The following KCNG2 variants were observed in gnomAD, a reference collection of about 807,000 sequenced individuals.
The protein encoded by KCNG2 is potassium voltage-gated channel modifier subfamily G member 2, also known as voltage-gated potassium channel regulatory subunit KCNG2.
Under a neutral mutation model 12.3 loss-of-function variants are expected in KCNG2, and 7 were observed. The observed-to-expected ratio is 0.57, with a 90% CI of 0.32 to 1.07. KCNG2 has a LOEUF of 1.07. Among genes scored for constraint, KCNG2 ranks in the 50% least tolerant of loss-of-function variants. KCNG2 has a pLI of 0.04. For missense variants in KCNG2, 703 were observed against 726.0 expected, an observed-to-expected ratio of 0.97 and a Z score of 0.36; for synonymous variants, 414 against 351.4, an observed-to-expected ratio of 1.18 and a Z score of -1.99.
At chr18:79,879,711 A>G (rs970961389) in intron 3 of KCNG2, among the ~76,000 whole-genome samples, 5 of 152,230 alleles carry the variant, frequency 3.3e-5, no homozygotes, top group African/African-American at 4.8e-5. Context: ...GTTATGGTTC[A>G]GAATTGGCTC....
intron 1 of KCNG2, among the ~76,000 whole-genome samples, chr18:79,808,085 G>T (rs796339568): frequency 1.1e-3 from 93 of 81,288 alleles, no homozygotes; most frequent in African/African-American, 2.6e-3. Flanking sequence ...TGCCGGGGCC[G>T]CGCTGACCAC....
Position 79,882,761 on chromosome 18 carries a change from C to T in KCNG2, c.625-16279C>T, listed in dbSNP as rs557166707. 1.7e-3 allele frequency among the ~76,000 whole-genome samples: 246 copies of T among 146,578 alleles called. 1 individual carries two copies. Among genetic ancestry groups the T allele is most frequent in the African/African-American group, 5.7e-3 (232 of 40,882 alleles). On this transcript the variant is annotated intron_variant, in intron 3 of 3. Coordinates refer to ENST00000316249, the MANE Select transcript of KCNG2 (RefSeq NM_012283.2). ...ATGGAGTGGCGAGGCTGCCGTGGAG[C>T]GCGGAGGCCGGGTACACCTGCGCGT...
rs1468584056 is a variant in KCNG2 at position 79,894,253 on chromosome 18, G to A, written c.625-4787G>A. ...ATCTAATGGTTCAATTGATATAGCT[G>A]GGTCTGCGTCTCGTTCGATTAGGTT... On this transcript the variant is annotated intron_variant, in intron 3 of 3. Transcript: ENST00000316249. Among the ~76,000 whole-genome samples the A allele has an allele frequency of 2.0e-5, 3 of 151,814 alleles. No individual in the cohort carries two copies. In the East Asian group the frequency reaches 5.8e-4, roughly 29 times the overall value.
intron 3 of KCNG2, among the ~76,000 whole-genome samples, chr18:79,872,975 G>A (rs1184005342): frequency 3.3e-5 from 5 of 152,170 alleles, no homozygotes; most frequent in Non-Finnish European, 7.4e-5. Flanking sequence ...GGCGTGTGCT[G>A]TCCTCCTCTG....
Position 79,869,597 on chromosome 18 carries a change from C to T in KCNG2, c.624+5306C>T, listed in dbSNP as rs527414628. ...CTGCCTTCTCACGTGGGATCGTTCA[C>T]TCCATTGCTGGGCCTTTCCCAGGAG... On this transcript the variant is annotated intron_variant, in intron 3 of 3. Transcript: ENST00000316249. Among the ~76,000 whole-genome samples the T allele has an allele frequency of 2.6e-5, 4 of 152,316 alleles. No individual in the cohort carries two copies. In the East Asian group the frequency reaches 7.7e-4, roughly 29 times the overall value.
intron 1 of KCNG2, among the ~76,000 whole-genome samples, chr18:79,855,289 G>T (rs1169948597): frequency 6.6e-6 from 1 of 152,046 alleles, no homozygotes; most frequent in Admixed American, 6.5e-5. Context: ...GCTGACATTG[G>T]GCTGCAAACT....
intron 3 of KCNG2, among the ~76,000 whole-genome samples, chr18:79,891,009 C>G (rs918767237): frequency 4.6e-5 from 7 of 152,128 alleles, no homozygotes; most frequent in Non-Finnish European, 2.9e-5. Context: ...CAAGAACCAG[C>G]CTTTGGTTTC....
intron 1 of KCNG2, among the ~76,000 whole-genome samples, chr18:79,801,943 C>T (rs1170240277): frequency 1.3e-5 from 2 of 152,194 alleles, no homozygotes; most frequent in Non-Finnish European, 2.9e-5. Context: ...GCCAGGGACT[C>T]TGGGGACCCC....
chr18:79,866,205 C>G (rs1979531232), intron 3 of KCNG2, among the ~76,000 whole-genome samples: 1 of 137,724 alleles, frequency 7.3e-6, no homozygotes, highest in African/African-American at 2.8e-5. Flanking sequence ...AGTCTGCGTG[C>G]TGAGAAGTCT....
intron 1 of KCNG2, among the ~76,000 whole-genome samples, chr18:79,802,126 C>T (rs553143647): frequency 6.6e-6 from 1 of 152,338 alleles, no homozygotes; most frequent in South Asian, 2.1e-4. Context: ...ATACACTGTG[C>T]AGTTAGTTTT....
intron 1 of KCNG2, among the ~76,000 whole-genome samples, chr18:79,813,865 A>G (rs2087509762): frequency 1.3e-5 from 2 of 152,262 alleles, no homozygotes; most frequent in Non-Finnish European, 2.9e-5. Flanking sequence ...CTAAAGGACC[A>G]AAGTTTGGAA....
rs2087401995 is a variant in KCNG2 at position 79,800,651 on chromosome 18, G to A, written c.-115+2637G>A. Among the ~76,000 whole-genome samples the A allele has an allele frequency of 6.6e-6, 1 of 152,240 alleles. No individual in the cohort carries two copies. Among genetic ancestry groups the A allele is most frequent in the Non-Finnish European group, 1.5e-5 (1 of 68,046 alleles). Reference sequence around the variant, plus strand: ...CAGCACTGGCTCCTTCACAGCCGCGGCTTTCCGGCAGGAGCCTCAGCAGTT... The same window carrying A: ...CAGCACTGGCTCCTTCACAGCCGCGACTTTCCGGCAGGAGCCTCAGCAGTT... On this transcript the variant is annotated intron_variant, in intron 1 of 3. Coordinates refer to ENST00000316249, the MANE Select transcript of KCNG2 (RefSeq NM_012283.2). The surrounding 1 kb of genome is among the most constrained non-coding windows in gnomAD (Gnocchi z 4.0).
chr18:79,826,238 C>A (rs1978285744), intron 1 of KCNG2, among the ~76,000 whole-genome samples: 1 of 152,246 alleles, frequency 6.6e-6, no homozygotes, highest in African/African-American at 2.4e-5. Flanking sequence ...CAGACGGGGA[C>A]CGAGGGCCTG....
intron 3 of KCNG2, among the ~76,000 whole-genome samples, chr18:79,879,593 T>C (rs1980214387): frequency 6.6e-6 from 1 of 152,076 alleles, no homozygotes; most frequent in African/African-American, 2.4e-5. Flanking sequence ...AAGATACCAC[T>C]CAAAGACAAA....
Position 79,899,091 on chromosome 18 carries a change from G to A in KCNG2, c.676G>A (p.Val226Met), listed in dbSNP as rs762345531. The A allele has an allele frequency of 4.4e-6, 7 of 1,600,848 alleles. No individual in the cohort carries two copies. In the Admixed American group the frequency reaches 8.4e-5, roughly 19 times the overall value. Reference sequence around the variant, plus strand: ...CCTGTTCGTGCTGGAGACCGTGTGCGTGGCCTGGTTCTCCTTCGAGTTCCT... The same window carrying A: ...CCTGTTCGTGCTGGAGACCGTGTGCATGGCCTGGTTCTCCTTCGAGTTCCT... ...RSLFVLETVC[V>M]AWFSFEFLLR... The change falls in exon 4 of 4, where the codon GTG becomes ATG. Residue 226 changes from valine (V) to methionine (M), a missense_variant. Transcript: ENST00000316249.
chr18:79,880,245 G>A (rs1245730280), intron 3 of KCNG2, among the ~76,000 whole-genome samples: 1 of 144,120 alleles, frequency 6.9e-6, no homozygotes, highest in African/African-American at 2.6e-5. Context: ...ACATGGGTTG[G>A]TTTTGAATAT....
At chr18:79,819,962 T>C (rs1288862711) in intron 1 of KCNG2, among the ~76,000 whole-genome samples, 1 of 152,236 alleles carries the variant, frequency 6.6e-6, no homozygotes, top group African/African-American at 2.4e-5. Flanking sequence ...GGTCCTCCAG[T>C]GTCCAGCTTC....
chr18:79,871,602 C>T (rs1979832951), intron 3 of KCNG2, among the ~76,000 whole-genome samples: 1 of 152,116 alleles, frequency 6.6e-6, no homozygotes, highest in African/African-American at 2.4e-5. Context: ...GGCAGCAAGT[C>T]GAGTGGGCGG....
Position 79,806,239 on chromosome 18 carries a change from T to C in KCNG2, c.-115+8225T>C, listed in dbSNP as rs1029711841. Reference sequence around the variant, plus strand: ...CAGGCAAGGCCGTCGTGCTGGGGGTTGGGGCGTGGGGCCATCAGCAAGCCC... The same window carrying C: ...CAGGCAAGGCCGTCGTGCTGGGGGTCGGGGCGTGGGGCCATCAGCAAGCCC... On this transcript the variant is annotated intron_variant, in intron 1 of 3. Coordinates refer to ENST00000316249, the MANE Select transcript of KCNG2 (RefSeq NM_012283.2). 2.0e-5 allele frequency among the ~76,000 whole-genome samples: 3 copies of C among 151,384 alleles called. No individual in the cohort carries two copies. The East Asian group carries it at 5.8e-4, about 30-fold the overall frequency.
Sources: gnomAD v4.1 joint callset for allele counts (sites outside exome capture counted in the v4.1 genomes callset) on GRCh38, gnomAD v4.1.1 for gene constraint, Gnocchi (gnomAD v3.1) non-coding constraint, MANE v1.5 for transcripts, NCBI Gene and HGNC (gene_info 2026-07-23, HGNC 2026-07-21) for gene names.